The following TMEM132D variants were observed in gnomAD, a reference collection of about 807,000 sequenced individuals.
The protein encoded by TMEM132D is mature OL transmembrane protein.
In TMEM132D, 21 loss-of-function variants were observed where a neutral mutation model predicts 62.3. The observed-to-expected ratio is 0.34, with a 90% confidence interval of 0.24 to 0.49. The LOEUF is 0.49. TMEM132D is among the 20% of genes least tolerant of loss of function. The probability of loss-of-function intolerance (pLI) is 0.99; values close to 1 mark genes in which losing one functional copy is unlikely to be tolerated. For missense variants in TMEM132D, 1,346 were observed against 1,402.8 expected, an observed-to-expected ratio of 0.96 and a Z score of 0.65; for synonymous variants, 621 against 575.6, an observed-to-expected ratio of 1.08 and a Z score of -1.13.
chr12:129,781,925 A>AT (rs1565983695), intron 1 of TMEM132D, among the ~76,000 whole-genome samples: 1 of 152,158 alleles, frequency 6.6e-6, no homozygotes, highest in African/African-American at 2.4e-5. Context: ...GAGACCTTGA[A>AT]TTTTTTTAAG....
intron 4 of TMEM132D, among the ~76,000 whole-genome samples, chr12:129,333,464 T>C (rs1237716771): frequency 6.6e-6 from 1 of 152,224 alleles, no homozygotes; most frequent in Admixed American, 6.5e-5. Context: ...CATGGAGATA[T>C]ACGGGGAACT....
At chr12:129,079,609 C>G (rs75094568) in intron 7 of TMEM132D, among the ~76,000 whole-genome samples, 2,488 of 152,286 alleles carry the variant, frequency 0.016, 63 homozygotes, top group African/African-American at 0.056. Context: ...CCTGCTTTCT[C>G]GACCTCTTTC....
At chr12:129,570,652 C>A (rs1877486677) in intron 2 of TMEM132D, among the ~76,000 whole-genome samples, 1 of 152,112 alleles carries the variant, frequency 6.6e-6, no homozygotes, top group Non-Finnish European at 1.5e-5. Flanking sequence ...AATTCTGGGT[C>A]CTGGACTGGT....
chr12:129,193,636 G>A (rs551621817), intron 5 of TMEM132D, among the ~76,000 whole-genome samples: 1 of 152,328 alleles, frequency 6.6e-6, no homozygotes, highest in East Asian at 1.9e-4. Flanking sequence ...AAAGGGAAAT[G>A]AAGGATATAA....
intron 3 of TMEM132D, among the ~76,000 whole-genome samples, chr12:129,491,688 T>A (rs1338905464): frequency 1.3e-5 from 2 of 152,176 alleles, no homozygotes; most frequent in African/African-American, 4.8e-5. Flanking sequence ...AGGCCTATAA[T>A]CCCAGCACTT....
intron 2 of TMEM132D, among the ~76,000 whole-genome samples, chr12:129,583,921 G>A (rs1483391576): frequency 5.3e-5 from 8 of 152,218 alleles, no homozygotes; most frequent in Admixed American, 2.0e-4. Flanking sequence ...TAGTTGATCA[G>A]AGTATTCTTA....
intron 5 of TMEM132D, among the ~76,000 whole-genome samples, chr12:129,117,993 T>C (rs1462801989): frequency 6.6e-6 from 1 of 152,162 alleles, no homozygotes; most frequent in Non-Finnish European, 1.5e-5. Flanking sequence ...GCTCCCCAGC[T>C]CCCACCCTGA....
chr12:129,185,152 C>G (rs1365018582), intron 5 of TMEM132D, among the ~76,000 whole-genome samples: 1 of 152,052 alleles, frequency 6.6e-6, no homozygotes, highest in African/African-American at 2.4e-5. Flanking sequence ...GTTCTCCCTC[C>G]AGGAGAGAAG....
chr12:129,328,529 G>T (rs1002662264), intron 4 of TMEM132D, among the ~76,000 whole-genome samples: 1 of 152,116 alleles, frequency 6.6e-6, no homozygotes, highest in Non-Finnish European at 1.5e-5. Context: ...AGCCGACACC[G>T]CCATCTCATT....
At chr12:129,457,643 T>A (rs1342587687) in intron 3 of TMEM132D, among the ~76,000 whole-genome samples, 1 of 152,016 alleles carries the variant, frequency 6.6e-6, no homozygotes. Flanking sequence ...ACAGGCCATA[T>A]GTGAAGCATG....
intron 2 of TMEM132D, among the ~76,000 whole-genome samples, chr12:129,549,685 C>T (rs888250723): frequency 4.6e-5 from 7 of 152,200 alleles, no homozygotes; most frequent in African/African-American, 1.4e-4. Flanking sequence ...ATACACTTCC[C>T]TACTCCCTTT....
chr12:129,556,979 T>C (rs1877080722), intron 2 of TMEM132D, among the ~76,000 whole-genome samples: 1 of 152,236 alleles, frequency 6.6e-6, no homozygotes, highest in South Asian at 2.1e-4. Context: ...ATTTTCAGTA[T>C]ATTGTAACTA....
intron 2 of TMEM132D, among the ~76,000 whole-genome samples, chr12:129,542,811 A>G (rs1439555802): frequency 6.6e-6 from 1 of 152,122 alleles, no homozygotes; most frequent in Non-Finnish European, 1.5e-5. Context: ...ATAAGATTAT[A>G]ATATTGTATT....
intron 2 of TMEM132D, among the ~76,000 whole-genome samples, chr12:129,597,628 G>A (rs2137140011): frequency 6.6e-6 from 1 of 152,224 alleles, no homozygotes; most frequent in African/African-American, 2.4e-5. Flanking sequence ...ATTCCCCTAA[G>A]TGAAACATGA....
chr12:129,320,877 T>C (rs1390124503), intron 4 of TMEM132D, among the ~76,000 whole-genome samples: 2 of 152,138 alleles, frequency 1.3e-5, no homozygotes, highest in Admixed American at 1.3e-4. Context: ...GGGTTGGATA[T>C]AAGGACATGC....
intron 3 of TMEM132D, among the ~76,000 whole-genome samples, chr12:129,385,913 T>C (rs917559801): frequency 1.3e-5 from 2 of 152,128 alleles, no homozygotes; most frequent in Non-Finnish European, 2.9e-5. Context: ...CCCAGAAAGA[T>C]CAAAACCTTA....
At chr12:129,156,816 G>GCCCACTCTCAAGATAACTAA (rs1227636541) in intron 5 of TMEM132D, among the ~76,000 whole-genome samples, 1 of 151,386 alleles carries the variant, frequency 6.6e-6, no homozygotes, top group African/African-American at 2.4e-5. Context: ...AAGATAACTA[G>GCCCACTCTCAAGATAACTAA]CCCACTCTCA....
intron 2 of TMEM132D, among the ~76,000 whole-genome samples, chr12:129,620,482 C>A (rs1331242405): frequency 6.6e-6 from 1 of 152,124 alleles, no homozygotes; most frequent in Non-Finnish European, 1.5e-5. Flanking sequence ...GCCTGTAATC[C>A]TAGCTGCTCG....
At chr12:129,321,383 G>A (rs1201283901) in intron 4 of TMEM132D, among the ~76,000 whole-genome samples, 1 of 152,172 alleles carries the variant, frequency 6.6e-6, no homozygotes, top group African/African-American at 2.4e-5. Context: ...GTGATCAGGG[G>A]TGACAGAAAC....
Sources: gnomAD v4.1 joint callset for allele counts (sites outside exome capture counted in the v4.1 genomes callset) on GRCh38, gnomAD v4.1.1 for gene constraint, MANE v1.5 for transcripts, NCBI Gene and HGNC (gene_info 2026-07-23, HGNC 2026-07-21) for gene names.